IL1RAPL2: variants seen among roughly 807,000 people sequenced by gnomAD.
IL1RAPL2 encodes the protein X-linked interleukin-1 receptor accessory protein-like 2.
IL1RAPL2 carries 3 observed loss-of-function variants against 44.1 expected under a neutral mutation model. The observed-to-expected ratio is 0.07, with a 90% CI of 0.03 to 0.18. The LOEUF (loss-of-function observed/expected upper bound fraction) is 0.18. Among genes scored for constraint, IL1RAPL2 ranks in the 10% least tolerant of loss-of-function variants. IL1RAPL2 has a pLI of 1.00. For missense variants in IL1RAPL2, 391 were observed against 496.4 expected, an observed-to-expected ratio of 0.79 and a Z score of 2.02; for synonymous variants, 181 against 178.8, an observed-to-expected ratio of 1.01 and a Z score of -0.10.
At chrX:105,026,960 C>T (rs948451416) in intron 2 of IL1RAPL2, among the ~76,000 whole-genome samples, 10 of 110,537 alleles carry the variant, frequency 9.0e-5, no homozygotes, top group Admixed American at 2.9e-4. Context: ...ATCATGGTAC[C>T]GGCATAAACA....
intron 1 of IL1RAPL2, among the ~76,000 whole-genome samples, chrX:104,584,370 C>T (rs1201783410): frequency 1.8e-5 from 2 of 109,640 alleles, no homozygotes; most frequent in Non-Finnish European, 3.8e-5. Flanking sequence ...ACATCTCCTT[C>T]TTTTCCTGGT....
chrX:105,701,521 C>T (rs2038119199), intron 6 of IL1RAPL2, among the ~76,000 whole-genome samples: 1 of 111,079 alleles, frequency 9.0e-6, no homozygotes, highest in African/African-American at 3.3e-5. Context: ...TATGTCATTC[C>T]AGTCTACTTA....
chrX:105,745,921 G>A (rs1340728331), intron 8 of IL1RAPL2, among the ~76,000 whole-genome samples: 3 of 111,664 alleles, frequency 2.7e-5, no homozygotes, highest in Admixed American at 1.9e-4. Flanking sequence ...GGCTTCAAGC[G>A]ACCCTCCTGC....
chrX:104,887,890 G>A (rs896250131), intron 2 of IL1RAPL2, among the ~76,000 whole-genome samples: 1 of 111,432 alleles, frequency 9.0e-6, no homozygotes, highest in Non-Finnish European at 1.9e-5. Context: ...CTTCCCCCAG[G>A]GACCAGCGCC....
At chrX:104,686,642 C>T (rs1409339273) in intron 2 of IL1RAPL2, among the ~76,000 whole-genome samples, 1 of 111,768 alleles carries the variant, frequency 8.9e-6, no homozygotes, top group Non-Finnish European at 1.9e-5. Context: ...GCATAAAAAG[C>T]GTAGATTTGT....
intron 2 of IL1RAPL2, among the ~76,000 whole-genome samples, chrX:104,697,455 A>G (rs1254729516): frequency 8.9e-6 from 1 of 112,506 alleles, no homozygotes; most frequent in Non-Finnish European, 1.9e-5. Flanking sequence ...GGAAGGAAAC[A>G]GTAAAATAAG....
intron 6 of IL1RAPL2, among the ~76,000 whole-genome samples, chrX:105,666,991 C>T (rs998252987): frequency 8.9e-6 from 1 of 112,023 alleles, no homozygotes; most frequent in Admixed American, 9.5e-5. Flanking sequence ...CTGCATGCAA[C>T]TTTGTATTTA....
rs971717174 is a variant in IL1RAPL2 at position 104,885,472 on chromosome X, C to T, written c.82+226477C>T. Among the ~76,000 whole-genome samples the T allele has an allele frequency of 2.0e-4, 22 of 111,958 alleles. 1 individual carries two copies. The highest frequency in any genetic ancestry group is 9.4e-5 in the Non-Finnish European group (5 of 53,202). ...CTATGGGAGGCCTTAAGAAAATATA[C>T]TCCCCTGTCACCCAACTCACTAGAG... On this transcript the variant is annotated intron_variant, in intron 2 of 10. Transcript: ENST00000372582.
chrX:104,624,075 G>T (rs1482923808), intron 1 of IL1RAPL2, among the ~76,000 whole-genome samples: 2 of 111,685 alleles, frequency 1.8e-5, no homozygotes, highest in African/African-American at 6.5e-5. Flanking sequence ...TTAGCTTAAT[G>T]ATTGTCAAAA....
chrX:104,908,480 C>A (rs898724479), intron 2 of IL1RAPL2, among the ~76,000 whole-genome samples: 1 of 111,172 alleles, frequency 9.0e-6, no homozygotes, highest in Non-Finnish European at 1.9e-5. Context: ...CCTTCAGGAG[C>A]TCTTTTAGGG....
At chrX:104,592,615 A>G (rs1316935017) in intron 1 of IL1RAPL2, among the ~76,000 whole-genome samples, 1 of 111,666 alleles carries the variant, frequency 9.0e-6, no homozygotes, top group Non-Finnish European at 1.9e-5. Context: ...AAGAGTTTTA[A>G]CAGTCGCACA....
chrX:104,671,195 C>T (rs959522442), intron 2 of IL1RAPL2, among the ~76,000 whole-genome samples: 15 of 110,603 alleles, frequency 1.4e-4, no homozygotes, highest in Middle Eastern at 4.7e-3. Context: ...CACACACACA[C>T]GCACACACAC....
intron 2 of IL1RAPL2, among the ~76,000 whole-genome samples, chrX:104,762,379 G>A (rs1303582357): frequency 8.9e-6 from 1 of 111,886 alleles, no homozygotes; most frequent in Non-Finnish European, 1.9e-5. Context: ...TGCAAGAGGT[G>A]GGCTCCCATG....
intron 6 of IL1RAPL2, among the ~76,000 whole-genome samples, chrX:105,511,746 C>T (rs926229815): frequency 6.3e-5 from 7 of 111,811 alleles, no homozygotes; most frequent in Non-Finnish European, 1.3e-4. Flanking sequence ...TTCTAGTTAG[C>T]ACAATATTGA....
At chrX:105,411,144 A>G (rs190793302) in intron 5 of IL1RAPL2, among the ~76,000 whole-genome samples, 4 of 111,718 alleles carry the variant, frequency 3.6e-5, no homozygotes, top group African/African-American at 1.3e-4. Flanking sequence ...ATAACCACAA[A>G]CAAAGAAATC....
intron 2 of IL1RAPL2, among the ~76,000 whole-genome samples, chrX:105,055,313 A>G (rs867723648): frequency 9.0e-6 from 1 of 111,430 alleles, no homozygotes; most frequent in African/African-American, 3.3e-5. Context: ...TTATCTGATC[A>G]CCTTTCCAAA....
intron 2 of IL1RAPL2, among the ~76,000 whole-genome samples, chrX:105,112,638 C>T (rs1267697876): frequency 1.8e-5 from 2 of 112,618 alleles, no homozygotes; most frequent in South Asian, 7.3e-4. Context: ...ACTGAATATA[C>T]GTATCAGCTT....
chrX:105,257,508 G>A (rs998951144), intron 4 of IL1RAPL2, among the ~76,000 whole-genome samples: 21 of 111,638 alleles, frequency 1.9e-4, no homozygotes, highest in African/African-American at 5.9e-4. Context: ...TTTCTGCTTC[G>A]ATGATCTGTC....
intron 5 of IL1RAPL2, among the ~76,000 whole-genome samples, chrX:105,408,997 A>C (rs763474575): frequency 9.0e-6 from 1 of 111,582 alleles, no homozygotes; most frequent in Non-Finnish European, 1.9e-5. Context: ...TGTAAAATGC[A>C]GTGTTACAAT....
Sources: gnomAD v4.1 joint callset for allele counts (sites outside exome capture counted in the v4.1 genomes callset) on GRCh38, gnomAD v4.1.1 for gene constraint, MANE v1.5 for transcripts, NCBI Gene and HGNC (gene_info 2026-07-23, HGNC 2026-07-21) for gene names.